SCFD2: variants seen among roughly 807,000 people sequenced by gnomAD.
SCFD2 encodes the protein sec1 family domain-containing protein 2.
Under a neutral mutation model 58.9 loss-of-function variants are expected in SCFD2, and 54 were observed. The observed-to-expected ratio is 0.92, with a 90% confidence interval of 0.74 to 1.15. The LOEUF (loss-of-function observed/expected upper bound fraction) is 1.15. Among genes scored for constraint, SCFD2 ranks in the 50% most tolerant of loss-of-function variants. The probability of loss-of-function intolerance (pLI) is 0.00; values close to 1 mark genes in which losing one functional copy is unlikely to be tolerated. For synonymous variants in SCFD2, 321 were observed against 335.9 expected, an observed-to-expected ratio of 0.96 and a Z score of 0.49; for missense variants, 805 against 836.6, an observed-to-expected ratio of 0.96 and a Z score of 0.47.
chr4:53,350,004 G>A (rs1015087032), intron 2 of SCFD2, among the ~76,000 whole-genome samples: 8 of 152,130 alleles, frequency 5.3e-5, no homozygotes, highest in Admixed American at 2.0e-4. Context: ...TTCTATAAAC[G>A]GGGACGCTAA....
chr4:53,172,250 G>A (rs528060232), intron 4 of SCFD2, among the ~76,000 whole-genome samples: 3 of 152,114 alleles, frequency 2.0e-5, no homozygotes, highest in Admixed American at 6.5e-5. Flanking sequence ...TGATCTGCCT[G>A]TCTCAGCCTC....
intron 5 of SCFD2, among the ~76,000 whole-genome samples, chr4:53,002,851 G>A (rs1474109707): frequency 6.6e-6 from 1 of 152,164 alleles, no homozygotes; most frequent in Non-Finnish European, 1.5e-5. Context: ...GAAGCATGGT[G>A]GAATCTGCTT....
At chr4:53,350,611 T>C (rs1336305940) in intron 2 of SCFD2, among the ~76,000 whole-genome samples, 1 of 152,226 alleles carries the variant, frequency 6.6e-6, no homozygotes, top group East Asian at 1.9e-4. Flanking sequence ...AGTAACTTTA[T>C]TTTTGTCTGT....
intron 2 of SCFD2, among the ~76,000 whole-genome samples, chr4:53,329,590 T>C (rs2149129622): frequency 6.6e-6 from 1 of 151,514 alleles, no homozygotes. Context: ...CAAAAACCCA[T>C]CTGTACATCA....
At chr4:53,330,643 G>T (rs990962468) in intron 2 of SCFD2, among the ~76,000 whole-genome samples, 2 of 152,008 alleles carry the variant, frequency 1.3e-5, no homozygotes, top group African/African-American at 2.4e-5. Flanking sequence ...GCAAAATCAT[G>T]CCAAAATGTA....
At chr4:53,142,414 A>C (rs1397797847) in intron 5 of SCFD2, among the ~76,000 whole-genome samples, 1 of 152,210 alleles carries the variant, frequency 6.6e-6, no homozygotes, top group African/African-American at 2.4e-5. Flanking sequence ...CAACCACAAA[A>C]TGTGCATAAG....
intron 3 of SCFD2, among the ~76,000 whole-genome samples, chr4:53,279,910 G>A (rs2149075621): frequency 6.6e-6 from 1 of 152,222 alleles, no homozygotes; most frequent in South Asian, 2.1e-4. Flanking sequence ...ACAGCATCAG[G>A]GAAACTGCCC....
intron 4 of SCFD2, among the ~76,000 whole-genome samples, chr4:53,230,639 G>A (rs1291014538): frequency 1.5e-5 from 2 of 133,964 alleles, no homozygotes; most frequent in African/African-American, 5.4e-5. Context: ...GGGGGAGGGG[G>A]AAGGATAGCA....
chr4:52,965,622 G>T (rs73814902), intron 5 of SCFD2, among the ~76,000 whole-genome samples: 1 of 152,212 alleles, frequency 6.6e-6, no homozygotes, highest in Admixed American at 6.5e-5. Flanking sequence ...GAGGCTGTGC[G>T]TTGCCCACTT....
intron 4 of SCFD2, among the ~76,000 whole-genome samples, chr4:53,174,413 T>C (rs1727267172): frequency 6.6e-6 from 1 of 152,096 alleles, no homozygotes; most frequent in Admixed American, 6.6e-5. Context: ...AAAAAATATA[T>C]ATACATACAC....
At chr4:53,251,433 AAG>A (rs1166703897) in intron 4 of SCFD2, among the ~76,000 whole-genome samples, 21 of 152,224 alleles carry the variant, frequency 1.4e-4, no homozygotes, top group Non-Finnish European at 2.5e-4. Flanking sequence ...ACAACAAAAA[AAG>A]AGAATTTTAG....
chr4:53,215,594 G>A (rs62325049), intron 4 of SCFD2, among the ~76,000 whole-genome samples: 10,014 of 152,154 alleles, frequency 0.066, 384 homozygotes, highest in Middle Eastern at 0.12. Context: ...TCTGCAAACA[G>A]GGACAATTTG....
At chr4:53,179,839 G>C (rs1333336301) in intron 4 of SCFD2, among the ~76,000 whole-genome samples, 2 of 152,080 alleles carry the variant, frequency 1.3e-5, no homozygotes, top group Non-Finnish European at 2.9e-5. Context: ...AAAAAAGGCA[G>C]GGGTTGCAAT....
At chr4:53,132,752 T>C (rs572405509) in intron 5 of SCFD2, among the ~76,000 whole-genome samples, 1 of 152,316 alleles carries the variant, frequency 6.6e-6, no homozygotes, top group Admixed American at 6.5e-5. Context: ...GTGATGGACG[T>C]GTAGAATCAG....
At chr4:52,923,011 A>G (rs1211738969) in intron 5 of SCFD2, among the ~76,000 whole-genome samples, 2 of 152,234 alleles carry the variant, frequency 1.3e-5, no homozygotes, top group Admixed American at 1.3e-4. Flanking sequence ...ACATACCCAG[A>G]AGCATCCAAA....
intron 5 of SCFD2, among the ~76,000 whole-genome samples, chr4:53,086,529 G>A (rs1724309024): frequency 2.0e-5 from 3 of 152,104 alleles, no homozygotes; most frequent in Admixed American, 2.0e-4. Flanking sequence ...CTCACTGCTG[G>A]GTGTACACCC....
At chr4:53,283,089 A>T (rs1402570741) in intron 3 of SCFD2, among the ~76,000 whole-genome samples, 1 of 152,220 alleles carries the variant, frequency 6.6e-6, no homozygotes, top group African/African-American at 2.4e-5. Context: ...ATTTTTACGT[A>T]TGTATATATC....
chr4:53,001,773 C>T (rs1721870211), intron 5 of SCFD2, among the ~76,000 whole-genome samples: 1 of 152,216 alleles, frequency 6.6e-6, no homozygotes, highest in African/African-American at 2.4e-5. Flanking sequence ...ATTTATTGCA[C>T]ACCAAGCATT....
chr4:53,023,131 C>T (rs1290688498), intron 5 of SCFD2, among the ~76,000 whole-genome samples: 3 of 152,142 alleles, frequency 2.0e-5, no homozygotes, highest in African/African-American at 4.8e-5. Context: ...CTCATGGGTA[C>T]GTGGGTCTAA....
Sources: gnomAD v4.1 joint callset for allele counts (sites outside exome capture counted in the v4.1 genomes callset) on GRCh38, gnomAD v4.1.1 for gene constraint, MANE v1.5 for transcripts, NCBI Gene and HGNC (gene_info 2026-07-23, HGNC 2026-07-21) for gene names.